The following TMEM8B variants were observed in gnomAD, a reference collection of about 807,000 sequenced individuals.
TMEM8B encodes the protein transmembrane protein 8B.
In TMEM8B, 29 loss-of-function variants were observed where a neutral mutation model predicts 49.3. The observed-to-expected ratio is 0.59, with a 90% CI of 0.44 to 0.80. The LOEUF is 0.80. Ranked by LOEUF, TMEM8B falls within the 30% of genes least tolerant of loss-of-function variation. The pLI, the probability that TMEM8B is intolerant of heterozygous loss-of-function variation, is 0.00. For synonymous variants in TMEM8B, 264 were observed against 272.8 expected (o/e 0.97, Z 0.32); for missense variants, 575 against 658.5 (o/e 0.87, Z 1.39).
intron 6 of TMEM8B, among the ~76,000 whole-genome samples, chr9:35,844,134 C>A (rs1831281934): frequency 6.6e-6 from 1 of 152,222 alleles, no homozygotes; most frequent in Non-Finnish European, 1.5e-5. Flanking sequence ...TAGTTGTAAT[C>A]AAGGGGCATA....
intron 10 of TMEM8B, among the ~76,000 whole-genome samples, chr9:35,851,551 G>A (rs1281502934): frequency 6.6e-6 from 1 of 152,192 alleles, no homozygotes; most frequent in Non-Finnish European, 1.5e-5. Context: ...AGGGAACCAT[G>A]TCCCCAAAAT....
intron 6 of TMEM8B, chr9:35,845,573 G>C: frequency 1.0e-6 from 1 of 985,378 alleles, no homozygotes; most frequent in African/African-American, 1.7e-5. Flanking sequence ...CCTGTCTTGG[G>C]GTCCAGGTGA....
In TMEM8B at chr9:35,861,837, TA is replaced by T; in HGVS notation, c.*7998del. 6.6e-6 allele frequency: 1 copy of T among 152,204 alleles called. No homozygotes were observed. Among genetic ancestry groups the T allele is most frequent in the Non-Finnish European group, 1.5e-5 (1 of 68,038 alleles). 9.4% of individuals were successfully genotyped at this position (152,204 alleles called of 1,614,324 possible). A position where few individuals can be genotyped will look rare whatever the true frequency, so the allele number is the denominator to read the frequency against. Reference sequence around the variant, plus strand: ...TCTATCTACAGGTTCCTGCTCCATCTATACTAGCCACCTCCTGGACAAGGGC... The same window carrying T: ...TCTATCTACAGGTTCCTGCTCCATCTTACTAGCCACCTCCTGGACAAGGGC... On this transcript the variant is annotated 3_prime_UTR_variant, in exon 13 of 13. Transcript: ENST00000643932.
chr9:35,835,675 T>G (rs1437188881), intron 3 of TMEM8B, among the ~76,000 whole-genome samples: 1 of 152,224 alleles, frequency 6.6e-6, no homozygotes, highest in Non-Finnish European at 1.5e-5. Flanking sequence ...GAGAATGTAT[T>G]CCTCTTGCAT....
At chr9:35,839,405 T>C (rs1830746305) in intron 3 of TMEM8B, among the ~76,000 whole-genome samples, 1 of 152,228 alleles carries the variant, frequency 6.6e-6, no homozygotes, top group Admixed American at 6.5e-5. Flanking sequence ...CTTGAGGACC[T>C]GACTTCCGGT....
In TMEM8B at chr9:35,829,471, C is replaced by G. The variant is rs1245702667; in HGVS notation, c.24C>G (p.Pro8=). The change falls in exon 1 of 13, where the codon CCC becomes CCG. Residue 8 remains proline (P), a synonymous_variant. Coordinates refer to ENST00000643932, the MANE Select transcript of TMEM8B (RefSeq NM_001042590.4). ...CCATGGCCCAGCCCTTGTCCCGGCC[C>G]CTCGTCCTATCCCAATCCCCGCCTT... The part of the protein sequence containing the change: MAQPLSR[P]LVLSQSPPWP... 1 of 368,170 alleles carries G rather than the reference C, an allele frequency of 2.7e-6. No homozygotes were observed. Among genetic ancestry groups the G allele is most frequent in the Non-Finnish European group, 4.8e-6 (1 of 206,708 alleles). 22.8% of individuals were successfully genotyped at this position (368,170 alleles called of 1,614,324 possible).
At chr9:35,844,639 G>A (rs937341229) in intron 6 of TMEM8B, among the ~76,000 whole-genome samples, 3 of 152,200 alleles carry the variant, frequency 2.0e-5, no homozygotes, top group African/African-American at 7.2e-5. Context: ...TTATTGCCAT[G>A]CCTCTGGGCA....
intron 10 of TMEM8B, 38 bp downstream of exon 10, chr9:35,847,033 G>A: frequency 6.2e-7 from 1 of 1,614,234 alleles, no homozygotes; most frequent in Non-Finnish European, 8.5e-7. Context: ...CTGGGTGCTT[G>A]TGCATGGTGG....
At chr9:35,834,037 C>T (rs1295910890) in intron 1 of TMEM8B, among the ~76,000 whole-genome samples, 2 of 148,352 alleles carry the variant, frequency 1.3e-5, no homozygotes, top group African/African-American at 5.1e-5. Flanking sequence ...AAAATACACA[C>T]ACACACACAC....
At chr9:35,839,501 G>T (rs1313832654) in intron 3 of TMEM8B, among the ~76,000 whole-genome samples, 1 of 152,212 alleles carries the variant, frequency 6.6e-6, no homozygotes. Context: ...TGCATGAAGA[G>T]GGGGGACTGG....
Position 35,842,480 on chromosome 9 carries a change from A to C in TMEM8B, c.1398A>C (p.Pro466=). 6.3e-7 allele frequency: 1 copy of C among 1,599,344 alleles called. No homozygotes were observed. Among genetic ancestry groups the C allele is most frequent in the South Asian group, 1.1e-5 (1 of 89,500 alleles). ...CCCTGGGCAACCAGCCACTGCCCCC[A>C]GAACCGCCATCCCTTGGAACCCCTG... is the stretch of plus-strand genomic sequence containing the variant. ...PQSLGNQPLP[P]EPPSLGTPAE... is the part of the protein sequence containing the mutation. The change falls in exon 6 of 13, where the codon CCA becomes CCC. Residue 466 remains proline, a synonymous_variant. Transcript: ENST00000643932. The surrounding 1 kb of genome is among the most constrained non-coding windows in gnomAD (Gnocchi z 5.6).
At chr9:35,836,840 G>A (rs575607135) in intron 3 of TMEM8B, among the ~76,000 whole-genome samples, 5 of 152,330 alleles carry the variant, frequency 3.3e-5, no homozygotes, top group South Asian at 4.1e-4. Context: ...CCATCCCACC[G>A]TGCCCACGAG....
intron 1 of TMEM8B, among the ~76,000 whole-genome samples, chr9:35,832,024 G>A (rs1172707855): frequency 6.6e-6 from 1 of 152,094 alleles, no homozygotes; most frequent in East Asian, 1.9e-4. Flanking sequence ...TGGGTCTAGT[G>A]GTCCCACTCC....
At position 35,853,870 on chromosome 9, in the gene TMEM8B, T is replaced by C; in HGVS notation, c.*30T>C. ...GGCTTTGGGCCTGGCCCTGAGGGGATATGAATGCTTCCTAGAGTTCTTTCT... is the reference window on the plus strand; with the variant it reads ...GGCTTTGGGCCTGGCCCTGAGGGGACATGAATGCTTCCTAGAGTTCTTTCT... On this transcript the variant is annotated 3_prime_UTR_variant, in exon 13 of 13. Transcript: ENST00000643932. The surrounding 1 kb of genome is among the most constrained non-coding windows in gnomAD (Gnocchi z 4.2). 6.6e-7 allele frequency: 1 copy of C among 1,510,388 alleles called. No homozygotes were observed. The highest frequency in any genetic ancestry group is 8.8e-7 in the Non-Finnish European group (1 of 1,135,226). 93.6% of individuals were successfully genotyped at this position (1,510,388 alleles called of 1,614,324 possible). A position where few individuals can be genotyped will look rare whatever the true frequency, so the allele number is the denominator to read the frequency against.
rs145899989 is a variant in TMEM8B at position 35,842,557 on chromosome 9, C to A, written c.1475C>A (p.Pro492Gln). Residue 492 changes from proline (P) to glutamine (Q), a missense_variant, in exon 6 of 13, where the codon CCG (proline) becomes CAG (glutamine). Transcript: ENST00000643932. The surrounding 1 kb of genome is among the most constrained non-coding windows in gnomAD (Gnocchi z 5.6). ...SPPEHCWPVR[P>Q]TLRNELDTFS... ...CCCGAGCACTGCTGGCCAGTGCGCC[C>A]GACTCTGCGCAACGAGCTGGACACC... 1.7e-5 allele frequency: 27 copies of A among 1,614,086 alleles called. No homozygotes were observed. Among genetic ancestry groups the A allele is most frequent in the Non-Finnish European group, 2.0e-5 (24 of 1,180,050 alleles).
At chr9:35,832,748 C>G (rs1450767510) in intron 1 of TMEM8B, among the ~76,000 whole-genome samples, 1 of 152,176 alleles carries the variant, frequency 6.6e-6, no homozygotes, top group African/African-American at 2.4e-5. Context: ...CTAACCCCAG[C>G]AGAAGGTGCG....
At chr9:35,836,688 G>C (rs965197458) in intron 3 of TMEM8B, among the ~76,000 whole-genome samples, 1 of 152,240 alleles carries the variant, frequency 6.6e-6, no homozygotes. Flanking sequence ...GACCAAGGGG[G>C]AGCTGGGCAG....
Position 35,852,981 on chromosome 9 carries a change from C to A in TMEM8B, c.2322+8C>A. The A allele has an allele frequency of 1.9e-6, 3 of 1,614,128 alleles. No homozygotes were observed. Among genetic ancestry groups the A allele is most frequent in the Non-Finnish European group, 2.5e-6 (3 of 1,180,022 alleles). On this transcript the variant is annotated splice_region_variant and intron_variant, in intron 11 of 12. Transcript: ENST00000643932. ...CAGCCCGTGGTCAAGCAGGTCAGTC[C>A]AGAGTGGGCCCTGGGGAACAACCAT... is the stretch of plus-strand genomic sequence containing the variant.
rs535128007 is a variant in TMEM8B at position 35,837,738 on chromosome 9, C to T, written c.906+2520C>T. Among the ~76,000 whole-genome samples, 29 of 152,256 alleles carry T rather than the reference C, an allele frequency of 1.9e-4. No homozygotes were observed. The East Asian group carries it at 2.1e-3, about 11-fold the overall frequency. On this transcript the variant is annotated intron_variant, in intron 3 of 12. Coordinates refer to ENST00000643932, the MANE Select transcript of TMEM8B (RefSeq NM_001042590.4). ...CCAGTGCAGAGTCTGGCACATGATG[C>T]CTTTTCACGTCCTTTCCTTGTCCCT...
Sources: allele counts gnomAD v4.1 joint callset (sites outside exome capture counted in the v4.1 genomes callset), GRCh38; gene constraint gnomAD v4.1.1; non-coding constraint Gnocchi (gnomAD v3.1); transcripts MANE v1.5; gene names NCBI Gene and HGNC (gene_info 2026-07-23, HGNC 2026-07-21).